COX7A2L: variants seen among roughly 807,000 people sequenced by gnomAD.
COX7A2L encodes cytochrome c oxidase subunit 7A2 like, also known as cytochrome c oxidase subunit 7A2-like, mitochondrial.
In COX7A2L, 18 loss-of-function variants were observed where a neutral mutation model predicts 14.2. That is an observed-to-expected ratio of 1.27 (90% CI 0.88 to 1.88). The LOEUF (loss-of-function observed/expected upper bound fraction) is 1.88, where lower values mean the gene tolerates loss of function less well. COX7A2L is among the 40% of genes most tolerant of loss of function. The pLI is 0.00. For missense variants in COX7A2L, 179 were observed against 138.8 expected, an observed-to-expected ratio of 1.29 and a Z score of -1.46; for synonymous variants, 65 against 57.4, an observed-to-expected ratio of 1.13 and a Z score of -0.60.
chr2:42,341,452 A>C (rs1670403128), intron 2 of COX7A2L, among the ~76,000 whole-genome samples: 1 of 151,188 alleles, frequency 6.6e-6, no homozygotes, highest in African/African-American at 2.4e-5. Flanking sequence ...TACCTTAAAC[A>C]CTCCTTAACT....
At chr2:42,362,976 G>C (rs1671091570), upstream of COX7A2L, among the ~76,000 whole-genome samples, 1 of 151,064 alleles carries the variant, frequency 6.6e-6, no homozygotes, top group South Asian at 2.1e-4. Flanking sequence ...CCAGGCTGAG[G>C]TGATTCTCCT....
chr2:42,353,138 G>A, intron 2 of COX7A2L, 74 bp downstream of exon 2: 1 of 1,530,984 alleles, frequency 6.5e-7, no homozygotes, highest in Non-Finnish European at 8.9e-7. Context: ...ACTAGATTAA[G>A]ATTTAGTTTC....
downstream of COX7A2L, among the ~76,000 whole-genome samples, chr2:42,345,486 TGTCA>T (rs1337511623): frequency 2.0e-5 from 3 of 149,926 alleles, no homozygotes; most frequent in Non-Finnish European, 4.4e-5. Context: ...AAAAAAAAAC[TGTCA>T]GTCATTAGAG....
chr2:42,364,250 CAAAAA>C (rs35151680), upstream of COX7A2L, among the ~76,000 whole-genome samples: 7 of 85,406 alleles, frequency 8.2e-5, no homozygotes, highest in Admixed American at 1.3e-4. Context: ...GACTCCGTCT[CAAAAA>C]AAAAAAAAAA....
rs778875787 is a variant in COX7A2L, at chr2:42,351,185, T to G, written c.*34A>C. Reference sequence around the variant, plus strand: ...TGAAAAAGGAACTTCAAAGGGTTTATGCCAAAAAACAAACCAGTCCTCTGC... The same window carrying G: ...TGAAAAAGGAACTTCAAAGGGTTTAGGCCAAAAAACAAACCAGTCCTCTGC... On this transcript the variant is annotated 3_prime_UTR_variant, in exon 3 of 3. Transcript: ENST00000234301. The G allele has an allele frequency of 1.9e-6, 3 of 1,585,746 alleles. No homozygotes were observed. Among genetic ancestry groups the G allele is most frequent in the Middle Eastern group, 1.7e-4 (1 of 5,928 alleles).
downstream of COX7A2L, among the ~76,000 whole-genome samples, chr2:42,344,783 G>A (rs936527620): frequency 5.9e-5 from 9 of 151,924 alleles, no homozygotes; most frequent in Admixed American, 2.6e-4. Flanking sequence ...CCCAGGAGGC[G>A]GAGCTTGCAG....
At chr2:42,341,332 G>A (rs866807527) in intron 2 of COX7A2L, among the ~76,000 whole-genome samples, 4 of 152,152 alleles carry the variant, frequency 2.6e-5, no homozygotes, top group Non-Finnish European at 5.9e-5. Context: ...AGGTCATGGC[G>A]TCGCAGGGGG....
rs770683566 is a variant in COX7A2L, at chr2:42,339,466, C to T, written c.193-5597G>A. Among the ~76,000 whole-genome samples the T allele has an allele frequency of 6.6e-6, 1 of 152,146 alleles. No individual in the cohort carries two copies. Among genetic ancestry groups the T allele is most frequent in the African/African-American group, 2.4e-5 (1 of 41,418 alleles). On this transcript the variant is annotated intron_variant, in intron 2 of 2. Transcript: ENST00000468711. The surrounding 1 kb of genome is among the most constrained non-coding windows in gnomAD (Gnocchi z 5.4). ...GTTACTCCTGCCTCTACAGAGCTGG[C>T]GCGGTGGCTTGAGCTCCAGGCATGT... is the stretch of plus-strand genomic sequence containing the variant.
chr2:42,367,353 T>C (rs1292437469), intron 1 of COX7A2L, among the ~76,000 whole-genome samples: 1 of 152,190 alleles, frequency 6.6e-6, no homozygotes, highest in Non-Finnish European at 1.5e-5. Flanking sequence ...GTAGCAAAGG[T>C]ACCAGCGTGT....
intron 1 of COX7A2L, chr2:42,359,783 C>T (rs1476270135): frequency 6.6e-6 from 1 of 151,728 alleles, no homozygotes; most frequent in Non-Finnish European, 1.5e-5. Context: ...ATATCACAAA[C>T]TCAACATTTA....
chr2:42,357,350 C>A (rs946409014), intron 1 of COX7A2L, among the ~76,000 whole-genome samples: 3 of 152,164 alleles, frequency 2.0e-5, no homozygotes, highest in African/African-American at 7.2e-5. Context: ...ACACTGTCAC[C>A]CACGCTGGAG....
intron 1 of COX7A2L, among the ~76,000 whole-genome samples, chr2:42,360,330 CAATAA>C (rs1304445772): frequency 6.6e-6 from 1 of 152,082 alleles, no homozygotes; most frequent in African/African-American, 2.4e-5. Context: ...ACTGAGCTCA[CAATAA>C]ATTAAATAAC....
chr2:42,359,887 G>A (rs1366219711), intron 1 of COX7A2L: 1 of 148,946 alleles, frequency 6.7e-6, no homozygotes, highest in Non-Finnish European at 1.5e-5. Flanking sequence ...TCTGAGATTA[G>A]AATCATCTGT....
intron 2 of COX7A2L, among the ~76,000 whole-genome samples, chr2:42,336,963 G>A (rs544504069): frequency 1.8e-4 from 28 of 152,284 alleles, no homozygotes; most frequent in East Asian, 1.9e-4. Context: ...CTGCCCTCAC[G>A]GAGCATACAC....
At chr2:42,343,854 A>G (rs1670446727) in intron 2 of COX7A2L, among the ~76,000 whole-genome samples, 1 of 152,194 alleles carries the variant, frequency 6.6e-6, no homozygotes, top group African/African-American at 2.4e-5. Flanking sequence ...AAAGCAGATA[A>G]ATAAACGAAA....
chr2:42,367,987 A>G (rs1357816464), intron 1 of COX7A2L, among the ~76,000 whole-genome samples: 1 of 152,252 alleles, frequency 6.6e-6, no homozygotes, highest in East Asian at 1.9e-4. Context: ...CAAAGGTAAA[A>G]ATCAAATCAA....
chr2:42,350,266 C>T lies in COX7A2L; in HGVS notation c.*953G>A, dbSNP rs1670596126. The T allele has an allele frequency of 6.6e-6, 1 of 152,064 alleles. No individual in the cohort carries two copies. The highest frequency in any genetic ancestry group is 2.1e-4 in the South Asian group (1 of 4,816). The allele number at this position is 152,064 out of a possible 1,614,324, so 9.4% of individuals were successfully genotyped here. On this transcript the variant is annotated 3_prime_UTR_variant, in exon 3 of 3. Transcript: ENST00000234301. ...TCATGACAGCAAAGGAAATTAGTGT[C>T]TAAATGAACTGTGAGTTACAGGTAC...
downstream of COX7A2L, among the ~76,000 whole-genome samples, chr2:42,344,712 G>A (rs774955288): frequency 3.9e-5 from 6 of 152,030 alleles, no homozygotes; most frequent in East Asian, 3.9e-4. Context: ...ATTAGCCCAC[G>A]TTGTGGCAAG....
intron 2 of COX7A2L, among the ~76,000 whole-genome samples, chr2:42,337,155 C>A (rs1008186041): frequency 6.6e-6 from 1 of 152,166 alleles, no homozygotes; most frequent in Non-Finnish European, 1.5e-5. Context: ...AAACCATCCA[C>A]CCATTGCTTA....
Sources: allele counts gnomAD v4.1 joint callset (sites outside exome capture counted in the v4.1 genomes callset), GRCh38; gene constraint gnomAD v4.1.1; non-coding constraint Gnocchi (gnomAD v3.1); transcripts MANE v1.5; gene names NCBI Gene and HGNC (gene_info 2026-07-23, HGNC 2026-07-21).